Variants in ENTPD5 observed in about 807,000 individuals in gnomAD.
ENTPD5 encodes nucleoside diphosphate phosphatase ENTPD5.
A neutral mutation model predicts 60.2 loss-of-function variants in ENTPD5; 49 were observed. That is an observed-to-expected ratio of 0.81 (90% CI 0.65 to 1.03). The LOEUF is 1.03. Among genes scored for constraint, ENTPD5 ranks in the 50% least tolerant of loss-of-function variants. The pLI, the probability that ENTPD5 is intolerant of heterozygous loss-of-function variation, is 0.00. For synonymous variants in ENTPD5, 187 were observed against 185.4 expected (o/e 1.01, Z -0.07); for missense variants, 480 against 507.6 (o/e 0.95, Z 0.52).
intron 3 of ENTPD5, chr14:74,003,478 CT>C: frequency 7.0e-7 from 1 of 1,428,340 alleles, no homozygotes; most frequent in Non-Finnish European, 9.5e-7. Context: ...AAGTAAACCG[CT>C]AGCTTGTTGC....
chr14:74,016,745 C>A (rs7145427), intron 1 of ENTPD5, among the ~76,000 whole-genome samples: 58,963 of 152,070 alleles, frequency 0.39, 12,206 homozygotes, highest in East Asian at 0.84. Context: ...TATGTTCATA[C>A]ATTAATCTGT....
chr14:74,000,052 C>T (rs1402459557), intron 3 of ENTPD5, among the ~76,000 whole-genome samples: 14 of 147,310 alleles, frequency 9.5e-5, no homozygotes, highest in Non-Finnish European at 1.8e-4. Context: ...CGCGTCACTG[C>T]ACTCCAGCCT....
chr14:73,970,575 C>G (rs180896384), intron 14 of ENTPD5, among the ~76,000 whole-genome samples: 39 of 152,278 alleles, frequency 2.6e-4, no homozygotes, highest in Admixed American at 7.8e-4. Context: ...AGAGACTAGA[C>G]TGCACTGACT....
At chr14:73,993,676 G>C (rs1296201336) in intron 3 of ENTPD5, among the ~76,000 whole-genome samples, 2 of 152,148 alleles carry the variant, frequency 1.3e-5, no homozygotes, top group African/African-American at 2.4e-5. Context: ...ACAGATCCTT[G>C]CTTTGTCCAA....
chr14:73,962,833 G>C (rs146242238), downstream of ENTPD5: 98 of 715,220 alleles, frequency 1.4e-4, no homozygotes, highest in Non-Finnish European at 2.2e-4. Context: ...GTGTGTATAT[G>C]TATGTATATT....
chr14:73,980,334 G>A (rs1377540373), intron 6 of ENTPD5, among the ~76,000 whole-genome samples: 3 of 151,126 alleles, frequency 2.0e-5, no homozygotes, highest in African/African-American at 7.3e-5. Flanking sequence ...GCGTGATCTC[G>A]GCTCACTGCA....
At chr14:73,995,772 C>T (rs1301702552) in intron 3 of ENTPD5, among the ~76,000 whole-genome samples, 2 of 152,002 alleles carry the variant, frequency 1.3e-5, no homozygotes, top group African/African-American at 2.4e-5. Flanking sequence ...GATAGGCGTA[C>T]TTTTTGTAGA....
downstream of ENTPD5, chr14:73,959,133 C>T: frequency 6.2e-7 from 1 of 1,614,216 alleles, no homozygotes; most frequent in Non-Finnish European, 8.5e-7. Flanking sequence ...AGGTACTTCA[C>T]AGAGAAACTT....
chr14:74,017,266 C>T (rs1455154008), intron 1 of ENTPD5, among the ~76,000 whole-genome samples: 3 of 149,534 alleles, frequency 2.0e-5, no homozygotes, highest in Non-Finnish European at 4.4e-5. Context: ...TGCGGTGGGC[C>T]GAGATCGTGC....
chr14:73,972,609 A>G (rs749778896), intron 13 of ENTPD5, among the ~76,000 whole-genome samples: 13 of 152,256 alleles, frequency 8.5e-5, no homozygotes, highest in Non-Finnish European at 1.8e-4. Flanking sequence ...GGGTGTATAC[A>G]TGACAAAACT....
Position 73,976,107 on chromosome 14 carries a change from G to T in ENTPD5, c.643-92C>A. 2.7e-6 allele frequency: 3 copies of T among 1,113,372 alleles called. 1 individual carries two copies. The highest frequency in any genetic ancestry group is 1.3e-5 in the South Asian group (1 of 76,450). 69.0% of individuals were successfully genotyped at this position (1,113,372 alleles called of 1,614,324 possible). On this transcript the variant is annotated intron_variant, in intron 9 of 15. Transcript: ENST00000334696. ...ACCCGTCCCTCCCAGCAAAAAATCA[G>T]AGATGAAGACAGATTAAGGGGCTAA...
downstream of ENTPD5, chr14:73,958,798 T>G (rs1594803231): frequency 6.6e-7 from 1 of 1,513,536 alleles, no homozygotes; most frequent in East Asian, 2.5e-5. Flanking sequence ...TGGCTGAGGC[T>G]GATGTGACAG....
intron 6 of ENTPD5, among the ~76,000 whole-genome samples, chr14:73,979,331 C>T (rs2057576546): frequency 6.6e-6 from 1 of 151,486 alleles, no homozygotes; most frequent in Non-Finnish European, 1.5e-5. Context: ...ACATAACTTT[C>T]TTTTGACTTG....
chr14:73,961,450 C>G (rs781408112), downstream of ENTPD5: 10 of 1,614,204 alleles, frequency 6.2e-6, no homozygotes, highest in South Asian at 1.1e-5. Context: ...CTGCTTTATT[C>G]TTAGGGATGC....
At chr14:74,014,241 C>G (rs1246133705) in intron 2 of ENTPD5, among the ~76,000 whole-genome samples, 1 of 152,066 alleles carries the variant, frequency 6.6e-6, no homozygotes, top group East Asian at 1.9e-4. Flanking sequence ...TAAGTTCAGC[C>G]TGGACAACAT....
intron 3 of ENTPD5, among the ~76,000 whole-genome samples, chr14:73,995,647 G>A (rs752937104): frequency 6.6e-6 from 1 of 150,978 alleles, no homozygotes; most frequent in Non-Finnish European, 1.5e-5. Context: ...AAATTACCCA[G>A]CCCCTGAAAA....
chr14:73,974,661 C>T (rs931199970), intron 11 of ENTPD5, among the ~76,000 whole-genome samples: 1 of 152,192 alleles, frequency 6.6e-6, no homozygotes, highest in Non-Finnish European at 1.5e-5. Context: ...GGGATTTCTG[C>T]AGACACTTCA....
In ENTPD5 at chr14:73,987,868, G is replaced by A; in HGVS notation, c.217+18C>T. The A allele has an allele frequency of 6.2e-7, 1 of 1,613,018 alleles. No individual in the cohort carries two copies. The highest frequency in any genetic ancestry group is 2.2e-5 in the East Asian group (1 of 44,872). ...GTGTGGATTTACAGACTCTACTAAG[G>A]GTCCCAGTTGCACTTACCTGGCATT... On this transcript the variant is annotated intron_variant, in intron 4 of 15. Coordinates refer to ENST00000334696, the MANE Select transcript of ENTPD5 (RefSeq NM_001249.5).
chr14:74,004,674 C>T (rs8018226), intron 3 of ENTPD5, among the ~76,000 whole-genome samples: 11,954 of 152,096 alleles, frequency 0.079, 616 homozygotes, highest in South Asian at 0.26. Flanking sequence ...AGTAGCTCCC[C>T]GTGTAGATCC....
Sources: allele counts gnomAD v4.1 joint callset (sites outside exome capture counted in the v4.1 genomes callset), GRCh38; gene constraint gnomAD v4.1.1; transcripts MANE v1.5; gene names NCBI Gene and HGNC (gene_info 2026-07-23, HGNC 2026-07-21).